The following NSUN6 variants were observed in gnomAD, a reference collection of about 807,000 sequenced individuals.
NSUN6 encodes NOP2/Sun RNA methyltransferase 6, also known as tRNA (cytosine(72)-C(5))-methyltransferase NSUN6.
A neutral mutation model predicts 58.0 loss-of-function variants in NSUN6; 64 were observed. The ratio of observed to expected loss-of-function variants is 1.10; its 90% CI spans 0.90 to 1.36. NSUN6 has a LOEUF of 1.36. NSUN6 is among the 40% of genes most tolerant of loss of function. The pLI, the probability that NSUN6 is intolerant of heterozygous loss-of-function variation, is 0.00. For missense variants in NSUN6, 701 were observed against 550.1 expected (o/e 1.27, Z -2.74); for synonymous variants, 231 against 193.9 (o/e 1.19, Z -1.59).
chr10:18,547,197 C>G (rs1488196625), intron 10 of NSUN6, among the ~76,000 whole-genome samples: 1 of 152,112 alleles, frequency 6.6e-6, no homozygotes, highest in Admixed American at 6.5e-5. Flanking sequence ...ATCTATAATC[C>G]TAAGTCACCA....
At chr10:18,656,967 C>T (rs774772335), upstream of NSUN6, among the ~76,000 whole-genome samples, 31 of 151,970 alleles carry the variant, frequency 2.0e-4, no homozygotes, top group Non-Finnish European at 3.5e-4. Context: ...GTCGGGACTA[C>T]ACATGTGCAC....
At chr10:18,586,258 A>T (rs576747353) in intron 7 of NSUN6, among the ~76,000 whole-genome samples, 165 bp from the exon 8 acceptor site, 1 of 152,306 alleles carries the variant, frequency 6.6e-6, no homozygotes, top group Non-Finnish European at 1.5e-5. Context: ...ATGTGTCTGG[A>T]ATTTATTCCT....
chr10:18,586,210 C>T (rs1589963523), intron 7 of NSUN6, 117 bp from the exon 8 acceptor site: 2 of 759,840 alleles, frequency 2.6e-6, no homozygotes, highest in East Asian at 2.8e-5. Flanking sequence ...ACCATACTCC[C>T]ATCCCTAATT....
chr10:18,633,337 G>A (rs1303314744), intron 3 of NSUN6, among the ~76,000 whole-genome samples: 10 of 151,078 alleles, frequency 6.6e-5, no homozygotes, highest in African/African-American at 9.7e-5. Flanking sequence ...TGGGTGCAGC[G>A]CACCAGCATG....
At chr10:18,568,688 A>C (rs1459718681) in intron 8 of NSUN6, among the ~76,000 whole-genome samples, 3 of 148,758 alleles carry the variant, frequency 2.0e-5, no homozygotes, top group Non-Finnish European at 4.5e-5. Flanking sequence ...TCTGCATTCC[A>C]TTCCCTTCCA....
intron 3 of NSUN6, among the ~76,000 whole-genome samples, chr10:18,639,008 T>A (rs7101352): frequency 0.57 from 83,779 of 147,848 alleles, 24,098 homozygotes; most frequent in East Asian, 0.96. Context: ...TAATCCTAGC[T>A]CTTTGGGAGG....
chr10:18,598,592 C>G (rs1453406297), intron 6 of NSUN6, among the ~76,000 whole-genome samples: 1 of 152,158 alleles, frequency 6.6e-6, no homozygotes, highest in Non-Finnish European at 1.5e-5. Flanking sequence ...CCACCTCAGC[C>G]TCCCGAATGG....
intron 3 of NSUN6, among the ~76,000 whole-genome samples, chr10:18,629,864 G>C (rs901826416): frequency 1.0e-4 from 15 of 148,344 alleles, no homozygotes; most frequent in Admixed American, 1.4e-4. Context: ...AAGTCAACAA[G>C]GATACCCAGG....
At chr10:18,577,400 AG>A in intron 8 of NSUN6, among the ~76,000 whole-genome samples, 1 of 152,270 alleles carries the variant, frequency 6.6e-6, no homozygotes, top group African/African-American at 2.4e-5. Flanking sequence ...AAGGAATAAT[AG>A]CCTCAATTCT....
chr10:18,587,425 T>C (rs2131130651), intron 7 of NSUN6, among the ~76,000 whole-genome samples: 1 of 152,222 alleles, frequency 6.6e-6, no homozygotes, highest in East Asian at 1.9e-4. Context: ...TAAAACGCAG[T>C]TCAAGAAAAT....
intron 8 of NSUN6, among the ~76,000 whole-genome samples, chr10:18,585,009 AAG>A (rs2057067059): frequency 1.3e-5 from 2 of 149,692 alleles, no homozygotes; most frequent in African/African-American, 2.5e-5. Context: ...AAAAAAAAAA[AAG>A]AGAGAGAAGG....
intron 7 of NSUN6, among the ~76,000 whole-genome samples, chr10:18,587,523 C>T (rs1308006761): frequency 6.6e-6 from 1 of 152,078 alleles, no homozygotes; most frequent in Non-Finnish European, 1.5e-5. Context: ...GAAACAGCTC[C>T]AGTCTGTAGC....
intron 5 of NSUN6, 141 bp downstream of exon 5, chr10:18,614,319 G>A (rs1163985355): frequency 2.4e-6 from 1 of 417,892 alleles, no homozygotes; most frequent in African/African-American, 2.1e-5. Context: ...GGAAATATGG[G>A]TTTAAACAAT....
At chr10:18,576,618 A>C (rs1483422008) in intron 8 of NSUN6, among the ~76,000 whole-genome samples, 3 of 152,172 alleles carry the variant, frequency 2.0e-5, no homozygotes, top group African/African-American at 7.2e-5. Flanking sequence ...TCAGCCCCCG[A>C]GGGCCATCCA....
intron 3 of NSUN6, among the ~76,000 whole-genome samples, chr10:18,629,161 A>G (rs138182987): frequency 0.012 from 1,770 of 152,282 alleles, 36 homozygotes; most frequent in African/African-American, 0.041. Context: ...ACTAAGCTTC[A>G]TAAGTGAAGG....
Position 18,545,965 on chromosome 10 carries a change from T to C in NSUN6, c.1378A>G (p.Ile460Val). The change falls in exon 11 of 11, where the codon ATT becomes GTT. Residue 460 changes from isoleucine (I) to valine (V), a missense_variant. By Grantham distance (29) the Ile-to-Val change is conservative. Coordinates refer to ENST00000377304, the MANE Select transcript of NSUN6 (RefSeq NM_182543.5). ...CTTTTGCATTTTACAAATTTTGCAA[T>C]AAAAAAACCTATAGAGTCCTTATTA... is the stretch of plus-strand genomic sequence containing the variant. The part of the protein sequence containing the change: ...LANKDSIGFF[I>V]AKFVKCKST 2 of 1,583,588 alleles carry C rather than the reference T, an allele frequency of 1.3e-6. No homozygotes were observed. Among genetic ancestry groups the C allele is most frequent in the Non-Finnish European group, 8.5e-7 (1 of 1,171,364 alleles).
chr10:18,652,531 A>G, upstream of NSUN6: 2 of 983,200 alleles, frequency 2.0e-6, no homozygotes, highest in Non-Finnish European at 2.4e-6. Flanking sequence ...CCATTATACC[A>G]CACAACAACC....
At chr10:18,585,643 G>A (rs150768367) in intron 8 of NSUN6, among the ~76,000 whole-genome samples, 119 of 152,274 alleles carry the variant, frequency 7.8e-4, no homozygotes, top group African/African-American at 2.8e-3. Context: ...CCAGAGGCTG[G>A]GGGAGGAGGG....
Position 18,556,046 on chromosome 10 carries a change from G to C in NSUN6, c.923-4075C>G, listed in dbSNP as rs371680980. Among the ~76,000 whole-genome samples the C allele has an allele frequency of 1.5e-4, 22 of 151,456 alleles. No homozygotes were observed. In the East Asian group the frequency reaches 3.9e-3, roughly 27 times the overall value. ...GAAGACTGGAATGGAGAATGGTGTG[G>C]AATGGAAGGGAAAATGGAGAATGGA... On this transcript the variant is annotated intron_variant, in intron 8 of 10. Transcript: ENST00000377304.
Sources: allele counts gnomAD v4.1 joint callset (sites outside exome capture counted in the v4.1 genomes callset), GRCh38; gene constraint gnomAD v4.1.1; transcripts MANE v1.5; gene names NCBI Gene and HGNC (gene_info 2026-07-23, HGNC 2026-07-21).